The following MAP3K20 variants were observed in gnomAD, a reference collection of about 807,000 sequenced individuals.
MAP3K20 encodes the protein HCCS-4.
In MAP3K20, 40 loss-of-function variants were observed where a neutral mutation model predicts 85.7. The ratio of observed to expected loss-of-function variants is 0.47; its 90% confidence interval spans 0.36 to 0.61. The LOEUF is 0.61. MAP3K20 is among the 20% of genes least tolerant of loss of function. MAP3K20 has a pLI of 0.00. For missense variants in MAP3K20, 817 were observed against 961.7 expected (o/e 0.85, Z 1.99); for synonymous variants, 325 against 327.7 (o/e 0.99, Z 0.09).
chr2:173,163,459 G>T (rs569698150), intron 2 of MAP3K20, among the ~76,000 whole-genome samples: 1 of 152,122 alleles, frequency 6.6e-6, no homozygotes, highest in African/African-American at 2.4e-5. Context: ...ACATAATCTT[G>T]TTCTTTTTTA....
chr2:173,176,193 G>A (rs531253746), intron 3 of MAP3K20, among the ~76,000 whole-genome samples: 1 of 152,116 alleles, frequency 6.6e-6, no homozygotes, highest in Admixed American at 6.5e-5. Context: ...ACTGTATTAT[G>A]CATTGTACAA....
At chr2:173,218,016 G>GT (rs551508471) in intron 11 of MAP3K20, among the ~76,000 whole-genome samples, 6 of 151,712 alleles carry the variant, frequency 4.0e-5, no homozygotes, top group South Asian at 2.1e-4. Flanking sequence ...ATTTATAATT[G>GT]TTTTTTTTCC....
rs577614631 is a variant in MAP3K20 at position 173,089,371 on chromosome 2, T to C, written c.-34-1627T>C. ...GACTGAACCATTTTAAAGTAAATTA[T>C]AGACATCATACTTTAAAATGGCTAC... On this transcript the variant is annotated intron_variant, in intron 1 of 19. Transcript: ENST00000375213. Among the ~76,000 whole-genome samples the C allele has an allele frequency of 1.2e-4, 19 of 152,316 alleles. No individual in the cohort carries two copies. In the South Asian group the frequency reaches 3.7e-3, roughly 30 times the overall value.
chr2:173,186,019 A>G (rs1690473882), intron 4 of MAP3K20, among the ~76,000 whole-genome samples: 1 of 152,240 alleles, frequency 6.6e-6, no homozygotes, highest in Admixed American at 6.5e-5. Flanking sequence ...AACATTAAAT[A>G]GAATTTTATG....
chr2:173,201,648 T>A (rs1454592162), intron 8 of MAP3K20, among the ~76,000 whole-genome samples: 8 of 152,208 alleles, frequency 5.3e-5, no homozygotes, highest in Admixed American at 3.3e-4. Context: ...AATTTGAAAC[T>A]TTTATTTAAA....
chr2:173,075,986 C>G lies in MAP3K20; in HGVS notation c.-51C>G, dbSNP rs1202264983. 2 of 984,930 alleles carry G rather than the reference C, an allele frequency of 2.0e-6. No individual in the cohort carries two copies. The highest frequency in any genetic ancestry group is 2.3e-4 in the East Asian group (2 of 8,804). The allele number at this position is 984,930 out of a possible 1,614,324, so 61.0% of individuals were successfully genotyped here. A position where few individuals can be genotyped will look rare whatever the true frequency, so the allele number is the denominator to read the frequency against. On this transcript the variant is annotated 5_prime_UTR_variant, in exon 1 of 20. Coordinates refer to ENST00000375213, the MANE Select transcript of MAP3K20 (RefSeq NM_016653.3). ...TCCGCGCCCCCGGCTGCTGCTCACG[C>G]CCCGCCCGGGAGCCAGGTAGGGGTC...
At chr2:173,184,979 C>T (rs561558057) in intron 4 of MAP3K20, among the ~76,000 whole-genome samples, 13 of 151,682 alleles carry the variant, frequency 8.6e-5, no homozygotes, top group Admixed American at 5.9e-4. Flanking sequence ...CGGTGGCTCA[C>T]GCCTATAATC....
At chr2:173,176,630 C>A (rs935007) in intron 3 of MAP3K20, among the ~76,000 whole-genome samples, 117,572 of 152,044 alleles carry the variant, frequency 0.77, 45,713 homozygotes, top group East Asian at 0.86. Context: ...ACAATAAAGG[C>A]GGAACAGGAG....
At chr2:173,203,580 T>C (rs1374942774) in intron 8 of MAP3K20, among the ~76,000 whole-genome samples, 2 of 152,208 alleles carry the variant, frequency 1.3e-5, no homozygotes, top group Non-Finnish European at 2.9e-5. Context: ...ACTTCTCCGT[T>C]CACTACAGTT....
At chr2:173,206,816 A>G (rs181098338) in intron 9 of MAP3K20, among the ~76,000 whole-genome samples, 8 of 152,358 alleles carry the variant, frequency 5.3e-5, no homozygotes, top group Non-Finnish European at 1.2e-4. Flanking sequence ...TGAAGTAGCC[A>G]GACCACAGTA....
At position 173,191,091 on chromosome 2, in the gene MAP3K20, T is replaced by C. The variant is rs551953949; in HGVS notation, c.496T>C (p.Leu166=). 6.2e-7 allele frequency: 1 copy of C among 1,614,102 alleles called. No homozygotes were observed. Among genetic ancestry groups the C allele is most frequent in the East Asian group, 2.2e-5 (1 of 44,870 alleles). ...RFHNHTTHMS[L]VGTFPWMAPE... is the part of the protein sequence containing the mutation. ...CCATAACCATACAACACACATGTCC[T>C]TGGTTGGAACTTTCCCATGGATGGC... is the stretch of plus-strand genomic sequence containing the variant. The change falls in exon 7 of 20, where the codon TTG becomes CTG. Residue 166 remains leucine, a synonymous_variant. Coordinates refer to ENST00000375213, the MANE Select transcript of MAP3K20 (RefSeq NM_016653.3).
chr2:173,097,229 G>A (rs545283787), intron 2 of MAP3K20, among the ~76,000 whole-genome samples: 6 of 152,268 alleles, frequency 3.9e-5, no homozygotes, highest in South Asian at 2.1e-4. Context: ...GGTGGCGGGC[G>A]CCTGTAGTTC....
Position 173,198,385 on chromosome 2 carries a change from G to A in MAP3K20, c.669+273G>A, listed in dbSNP as rs2106284831. ...TCTCAATTGTAAAACCTAGGGGTTT[G>A]TTCTTAGTGATGAAAGAAGCCATTG... is the stretch of plus-strand genomic sequence containing the variant. On this transcript the variant is annotated intron_variant, in intron 8 of 19. Transcript: ENST00000375213. The surrounding 1 kb of genome is among the most constrained non-coding windows in gnomAD (Gnocchi z 5.8). The A allele has an allele frequency of 4.8e-6, 1 of 207,540 alleles. No individual in the cohort carries two copies. The highest frequency in any genetic ancestry group is 1.3e-4 in the East Asian group (1 of 7,996). The allele number at this position is 207,540 out of a possible 1,614,324, so 12.9% of individuals were successfully genotyped here.
chr2:173,100,633 T>C (rs2106159916), intron 2 of MAP3K20, among the ~76,000 whole-genome samples: 1 of 152,324 alleles, frequency 6.6e-6, no homozygotes, highest in South Asian at 2.1e-4. Context: ...CACACTTGCA[T>C]TCACCTACAT....
In MAP3K20 at chr2:173,207,713, G is replaced by A. The variant is rs899539673; in HGVS notation, c.745-2016G>A. On this transcript the variant is annotated intron_variant, in intron 9 of 19. Coordinates refer to ENST00000375213, the MANE Select transcript of MAP3K20 (RefSeq NM_016653.3). Reference sequence around the variant, plus strand: ...TAATGTATGTAGATGCTTCACAAATGGTCCCAGTTTTTTTTTTTTTTTTGA... The same window carrying A: ...TAATGTATGTAGATGCTTCACAAATAGTCCCAGTTTTTTTTTTTTTTTTGA... 3 of 140,776 alleles carry A rather than the reference G, an allele frequency of 2.1e-5. No individual in the cohort carries two copies. The South Asian group carries it at 6.5e-4, about 31-fold the overall frequency. 8.7% of individuals were successfully genotyped at this position (140,776 alleles called of 1,614,324 possible).
At chr2:173,188,245 G>A (rs1339968352) in intron 5 of MAP3K20, among the ~76,000 whole-genome samples, 1 of 152,088 alleles carries the variant, frequency 6.6e-6, no homozygotes, top group Non-Finnish European at 1.5e-5. Context: ...AAAATAACTT[G>A]CAGGATTAGA....
chr2:173,198,198 G>A lies in MAP3K20; in HGVS notation c.669+86G>A. The A allele has an allele frequency of 1.6e-6, 2 of 1,245,200 alleles. No homozygotes were observed. Among genetic ancestry groups the A allele is most frequent in the South Asian group, 2.6e-5 (2 of 76,800 alleles). The allele number at this position is 1,245,200 out of a possible 1,614,324, so 77.1% of individuals were successfully genotyped here. The stretch of plus-strand genomic sequence containing the variant: ...AAGACTTTTTCATCTTCTTCAAATT[G>A]AAAGTAAGTTCACGCTTATGGAAAG... On this transcript the variant is annotated intron_variant, in intron 8 of 19. Transcript: ENST00000375213. The surrounding 1 kb of genome is among the most constrained non-coding windows in gnomAD (Gnocchi z 5.8).
chr2:173,112,598 AT>A (rs138531457), intron 2 of MAP3K20, among the ~76,000 whole-genome samples: 10,215 of 151,920 alleles, frequency 0.067, 485 homozygotes, highest in African/African-American at 0.13. Flanking sequence ...TTATATGCTG[AT>A]TTTTGCTGAG....
intron 2 of MAP3K20, among the ~76,000 whole-genome samples, chr2:173,123,770 C>T (rs1160679967): frequency 7.1e-6 from 1 of 140,326 alleles, no homozygotes; most frequent in African/African-American, 2.5e-5. Context: ...CAGCAACACA[C>T]CCAGTACATT....
Sources: allele counts gnomAD v4.1 joint callset (sites outside exome capture counted in the v4.1 genomes callset), GRCh38; gene constraint gnomAD v4.1.1; non-coding constraint Gnocchi (gnomAD v3.1); transcripts MANE v1.5; gene names NCBI Gene and HGNC (gene_info 2026-07-23, HGNC 2026-07-21).